The following ZFPM2 variants were observed in gnomAD, a reference collection of about 807,000 sequenced individuals.
The protein encoded by ZFPM2 is zinc finger protein, FOG family member 2, also known as zinc finger protein ZFPM2.
A neutral mutation model predicts 98.6 loss-of-function variants in ZFPM2; 20 were observed. The ratio of observed to expected loss-of-function variants is 0.20; its 90% confidence interval spans 0.14 to 0.29. The LOEUF is 0.29. ZFPM2 is among the 10% of genes least tolerant of loss of function. The probability of loss-of-function intolerance (pLI) is 1.00; values close to 1 mark genes in which losing one functional copy is unlikely to be tolerated. For missense variants in ZFPM2, 1,310 were observed against 1,388.6 expected, an observed-to-expected ratio of 0.94 and a Z score of 0.90; for synonymous variants, 518 against 502.7, an observed-to-expected ratio of 1.03 and a Z score of -0.41.
chr8:105,682,182 A>G (rs1810621889), intron 5 of ZFPM2, among the ~76,000 whole-genome samples: 4 of 152,192 alleles, frequency 2.6e-5, no homozygotes, highest in South Asian at 2.1e-4. Context: ...CCACTCTGTA[A>G]TAAGTATCAT....
At chr8:105,353,222 C>T (rs2129721639) in intron 1 of ZFPM2, among the ~76,000 whole-genome samples, 1 of 152,162 alleles carries the variant, frequency 6.6e-6, no homozygotes, top group African/African-American at 2.4e-5. Flanking sequence ...GAAGGGATCC[C>T]CCCACCCCAT....
intron 1 of ZFPM2, among the ~76,000 whole-genome samples, chr8:105,385,426 A>G (rs1022004892): frequency 6.6e-6 from 1 of 152,092 alleles, no homozygotes; most frequent in Non-Finnish European, 1.5e-5. Context: ...CTCTGTTTTC[A>G]TTGGCTGGTA....
At chr8:105,675,838 A>G (rs771265802) in intron 5 of ZFPM2, 12 of 152,158 alleles carry the variant, frequency 7.9e-5, no homozygotes, top group Non-Finnish European at 1.8e-4. Flanking sequence ...TCTGTACTTT[A>G]TAATCTTTCT....
intron 3 of ZFPM2, among the ~76,000 whole-genome samples, chr8:105,555,523 C>T (rs1441451305): frequency 5.3e-5 from 8 of 152,140 alleles, no homozygotes; most frequent in Non-Finnish European, 8.8e-5. Context: ...ATTTTCATCC[C>T]ATCAATTGTG....
intron 2 of ZFPM2, among the ~76,000 whole-genome samples, chr8:105,438,228 C>A (rs1282140606): frequency 6.6e-6 from 1 of 152,136 alleles, no homozygotes; most frequent in Non-Finnish European, 1.5e-5. Flanking sequence ...GCTCCTGTCC[C>A]ATCATGAACT....
chr8:105,753,532 A>C (rs1241430465), intron 5 of ZFPM2, among the ~76,000 whole-genome samples: 2 of 152,124 alleles, frequency 1.3e-5, no homozygotes, highest in Non-Finnish European at 2.9e-5. Flanking sequence ...GAGAAAAACA[A>C]ATTTATGTTT....
At chr8:105,589,546 G>A (rs772023075) in intron 4 of ZFPM2, among the ~76,000 whole-genome samples, 2 of 152,120 alleles carry the variant, frequency 1.3e-5, no homozygotes, top group African/African-American at 2.4e-5. Context: ...CATTATTTAC[G>A]TTAACATAAA....
chr8:105,457,578 T>C (rs895212118), intron 3 of ZFPM2, among the ~76,000 whole-genome samples: 1 of 152,212 alleles, frequency 6.6e-6, no homozygotes, highest in African/African-American at 2.4e-5. Flanking sequence ...GTGGTAAGAC[T>C]TGATGCTGAT....
chr8:105,484,939 A>C (rs1813199296), intron 3 of ZFPM2, among the ~76,000 whole-genome samples: 1 of 152,192 alleles, frequency 6.6e-6, no homozygotes, highest in Admixed American at 6.5e-5. Context: ...GGATTCTCAG[A>C]GATAGGACAA....
At chr8:105,742,246 C>T (rs570135315) in intron 5 of ZFPM2, among the ~76,000 whole-genome samples, 12 of 151,700 alleles carry the variant, frequency 7.9e-5, no homozygotes, top group Admixed American at 4.6e-4. Context: ...TGCATGGTGG[C>T]GCATGCTTAT....
chr8:105,564,664 A>G (rs1815207954), intron 4 of ZFPM2, among the ~76,000 whole-genome samples: 1 of 152,164 alleles, frequency 6.6e-6, no homozygotes, highest in South Asian at 2.1e-4. Flanking sequence ...TTTTTTAAAG[A>G]CTCTGCCACA....
intron 5 of ZFPM2, among the ~76,000 whole-genome samples, chr8:105,697,924 T>C (rs760207838): frequency 6.6e-6 from 1 of 152,200 alleles, no homozygotes; most frequent in Non-Finnish European, 1.5e-5. Context: ...TAGTCTCTGA[T>C]AGTTGTGAGT....
intron 5 of ZFPM2, among the ~76,000 whole-genome samples, chr8:105,694,302 A>C (rs1379145740): frequency 6.6e-6 from 1 of 151,840 alleles, no homozygotes; most frequent in African/African-American, 2.4e-5. Context: ...AATTTTTTTA[A>C]GTTTCATTAT....
rs5893754 is a variant in ZFPM2, at chr8:105,673,187, C to CTTTTTT, written c.532+38845_532+38850dup. Among the ~76,000 whole-genome samples the CTTTTTT allele has an allele frequency of 1.5e-3, 132 of 87,516 alleles. 5 individuals carry two copies. Among genetic ancestry groups the CTTTTTT allele is most frequent in the East Asian group, 2.5e-3 (7 of 2,802 alleles). 57.4% of individuals were successfully genotyped at this position (87,516 alleles called of 152,430 possible). A position where few individuals can be genotyped will look rare whatever the true frequency, so the allele number is the denominator to read the frequency against. ...TACTTCTATTTTTTCAAATAGCATG[C>CTTTTTT]TTTTTTTTTTTTTTTTTTTTACCGA... On this transcript the variant is annotated intron_variant, in intron 5 of 7. Transcript: ENST00000407775.
chr8:105,710,705 G>A (rs951327370), intron 5 of ZFPM2, among the ~76,000 whole-genome samples: 1 of 148,958 alleles, frequency 6.7e-6, no homozygotes. Flanking sequence ...GTGTGTGTAT[G>A]TGTGTGTGGG....
At chr8:105,649,767 G>T (rs933789880) in intron 5 of ZFPM2, among the ~76,000 whole-genome samples, 3 of 152,064 alleles carry the variant, frequency 2.0e-5, no homozygotes, top group South Asian at 4.1e-4. Context: ...TTGATGTGCT[G>T]CTGGATTCAG....
At chr8:105,393,453 C>CCTAAAAACAGGG (rs1462714802) in intron 1 of ZFPM2, among the ~76,000 whole-genome samples, 4 of 150,700 alleles carry the variant, frequency 2.7e-5, no homozygotes, top group African/African-American at 9.8e-5. Flanking sequence ...TTTTGAGATA[C>CCTAAAAACAGGG]CTAAAAACAG....
intron 2 of ZFPM2, among the ~76,000 whole-genome samples, chr8:105,426,921 C>T (rs771366427): frequency 2.6e-5 from 4 of 152,124 alleles, no homozygotes; most frequent in African/African-American, 9.7e-5. Context: ...CATGCCACTG[C>T]ACTCCAGCCT....
intron 5 of ZFPM2, among the ~76,000 whole-genome samples, chr8:105,685,401 G>T (rs1382399980): frequency 6.6e-6 from 1 of 152,022 alleles, no homozygotes; most frequent in Non-Finnish European, 1.5e-5. Flanking sequence ...ACCATGAGTT[G>T]CCTCATAAAA....
Sources: allele counts gnomAD v4.1 joint callset (sites outside exome capture counted in the v4.1 genomes callset), GRCh38; gene constraint gnomAD v4.1.1; transcripts MANE v1.5; gene names NCBI Gene and HGNC (gene_info 2026-07-23, HGNC 2026-07-21).